ECT2L: variants seen among roughly 807,000 people sequenced by gnomAD.
The protein encoded by ECT2L is epithelial cell-transforming sequence 2 oncogene-like.
ECT2L carries 126 observed loss-of-function variants against 122.8 expected under a neutral mutation model. That is an observed-to-expected ratio of 1.03 (90% CI 0.89 to 1.19). The LOEUF (loss-of-function observed/expected upper bound fraction) is 1.19. ECT2L is among the 50% of genes most tolerant of loss of function. The pLI, the probability that ECT2L is intolerant of heterozygous loss-of-function variation, is 0.00. For missense variants in ECT2L, 1,012 were observed against 1,064.1 expected (o/e 0.95, Z 0.68); for synonymous variants, 385 against 381.8 (o/e 1.01, Z -0.10).
chr6:138,820,808 T>C (rs1326595449), intron 4 of ECT2L, among the ~76,000 whole-genome samples: 1 of 152,186 alleles, frequency 6.6e-6, no homozygotes, highest in Non-Finnish European at 1.5e-5. Flanking sequence ...GATACACACA[T>C]TCAGTGCTTT....
intron 9 of ECT2L, among the ~76,000 whole-genome samples, chr6:138,850,994 C>CAAAAAAAAAAAAAA (rs34453938): frequency 3.5e-5 from 2 of 57,770 alleles, no homozygotes; most frequent in African/African-American, 6.4e-5. Flanking sequence ...AACTCCATCT[C>CAAAAAAAAAAAAAA]AAAAAAAAAA....
chr6:138,824,541 T>TAA (rs147704560), intron 4 of ECT2L, among the ~76,000 whole-genome samples: 67 of 121,304 alleles, frequency 5.5e-4, no homozygotes, highest in Middle Eastern at 9.2e-3. Flanking sequence ...AAAAAAGCAA[T>TAA]AAAAAAAAAA....
At chr6:138,850,131 G>A (rs1263858588) in intron 9 of ECT2L, among the ~76,000 whole-genome samples, 4 of 135,352 alleles carry the variant, frequency 3.0e-5, no homozygotes, top group African/African-American at 1.1e-4. Context: ...CACAGTATTT[G>A]TCGTTTTGTG....
intron 3 of ECT2L, 151 bp from the exon 4 acceptor site, chr6:138,814,340 C>T (rs1775999010): frequency 7.2e-6 from 3 of 415,964 alleles, no homozygotes; most frequent in Non-Finnish European, 8.5e-6. Flanking sequence ...AAGGAGAGAC[C>T]TTTCTCTCTA....
At chr6:138,890,520 T>G (rs1190132630) in intron 20 of ECT2L, among the ~76,000 whole-genome samples, 1 of 98,628 alleles carries the variant, frequency 1.0e-5, no homozygotes, top group Non-Finnish European at 2.3e-5. Flanking sequence ...TTTTTTTTTT[T>G]GGTCAGTAGC....
In ECT2L at chr6:138,847,427, G is replaced by A. The variant is rs1321068921; in HGVS notation, c.903+750G>A. ...ACTCTGTCGCCCAGGCTGGAGTGCA[G>A]TGGCGCAATCTCGGCTCACTGCCAG... On this transcript the variant is annotated intron_variant, in intron 8 of 21. Transcript: ENST00000541398. 3.4e-5 allele frequency among the ~76,000 whole-genome samples: 4 copies of A among 116,612 alleles called. No individual in the cohort carries two copies. In the Admixed American group the frequency reaches 3.6e-4, roughly 10 times the overall value. The allele number at this position is 116,612 out of a possible 152,430, so 76.5% of individuals were successfully genotyped here.
chr6:138,838,606 T>C, intron 5 of ECT2L, 92 bp downstream of exon 5: 5 of 1,276,528 alleles, frequency 3.9e-6, no homozygotes, highest in Non-Finnish European at 5.2e-6. Flanking sequence ...CTGAAGACAA[T>C]AGCTGAGGGT....
At chr6:138,829,898 A>G (rs1776589763) in intron 4 of ECT2L, among the ~76,000 whole-genome samples, 1 of 151,788 alleles carries the variant, frequency 6.6e-6, no homozygotes, top group African/African-American at 2.4e-5. Context: ...AATTTTTTGT[A>G]TTTTTAGTAG....
chr6:138,899,732 G>T (rs770786223), intron 20 of ECT2L, among the ~76,000 whole-genome samples: 8 of 151,986 alleles, frequency 5.3e-5, no homozygotes, highest in Admixed American at 2.6e-4. Context: ...ACTTCCTGAG[G>T]GTTGCTTGAT....
chr6:138,851,153 C>CTT (rs1409752197), intron 9 of ECT2L, among the ~76,000 whole-genome samples: 2 of 152,044 alleles, frequency 1.3e-5, no homozygotes, highest in African/African-American at 4.8e-5. Context: ...CTTGCCAACA[C>CTT]TTATTTTCTG....
At chr6:138,842,867 T>G in intron 5 of ECT2L, 112 bp from the exon 6 acceptor site, 1 of 1,027,592 alleles carries the variant, frequency 9.7e-7, no homozygotes, top group Non-Finnish European at 1.3e-6. Flanking sequence ...TCTCAGAGAT[T>G]TTTGTACCAG....
At chr6:138,832,573 C>T (rs1339925310) in intron 4 of ECT2L, among the ~76,000 whole-genome samples, 1 of 152,072 alleles carries the variant, frequency 6.6e-6, no homozygotes, top group East Asian at 1.9e-4. Flanking sequence ...GTTCTGATTT[C>T]CCCCAGGTCT....
intron 16 of ECT2L, among the ~76,000 whole-genome samples, chr6:138,884,620 A>G (rs905493487): frequency 6.6e-6 from 1 of 152,190 alleles, no homozygotes; most frequent in African/African-American, 2.4e-5. Flanking sequence ...CCTGGATGAC[A>G]GAGCAAGACT....
chr6:138,797,138 A>G (rs1307690703), intron 1 of ECT2L, among the ~76,000 whole-genome samples: 1 of 152,166 alleles, frequency 6.6e-6, no homozygotes, highest in African/African-American at 2.4e-5. Context: ...CATTATTTTC[A>G]TTATCCATTG....
chr6:138,880,859 C>T, intron 14 of ECT2L, 98 bp from the exon 15 acceptor site: 1 of 1,019,694 alleles, frequency 9.8e-7, no homozygotes, highest in Non-Finnish European at 1.5e-6. Context: ...TCAACCTGAA[C>T]AGCACAAACC....
chr6:138,828,049 A>G (rs1776515808), intron 4 of ECT2L, among the ~76,000 whole-genome samples: 1 of 152,138 alleles, frequency 6.6e-6, no homozygotes, highest in Admixed American at 6.5e-5. Context: ...CGTCATTTAC[A>G]TTAGGTATAT....
At chr6:138,827,287 G>A (rs1408746486) in intron 4 of ECT2L, among the ~76,000 whole-genome samples, 1 of 151,986 alleles carries the variant, frequency 6.6e-6, no homozygotes, top group Admixed American at 6.5e-5. Context: ...GGTGGAGGTT[G>A]TAGTGAGCTG....
At chr6:138,901,625 C>T (rs1185847512) in intron 21 of ECT2L, among the ~76,000 whole-genome samples, 1 of 152,224 alleles carries the variant, frequency 6.6e-6, no homozygotes, top group Non-Finnish European at 1.5e-5. Context: ...AAATTATTCA[C>T]ACACAGTAAT....
At chr6:138,845,837 A>G (rs9376377) in intron 7 of ECT2L, among the ~76,000 whole-genome samples, 86,621 of 151,826 alleles carry the variant, frequency 0.57, 24,807 homozygotes, top group Middle Eastern at 0.73. Flanking sequence ...TTGGGAGGCC[A>G]AGGTGGGAGG....
Sources: gnomAD v4.1 joint callset for allele counts (sites outside exome capture counted in the v4.1 genomes callset) on GRCh38, gnomAD v4.1.1 for gene constraint, MANE v1.5 for transcripts, NCBI Gene and HGNC (gene_info 2026-07-23, HGNC 2026-07-21) for gene names.